Variants in ATRNL1 observed in about 807,000 individuals in gnomAD.
ATRNL1 encodes attractin like 1, also known as attractin-like protein 1.
In ATRNL1, 95 loss-of-function variants were observed where a neutral mutation model predicts 182.7. That is an observed-to-expected ratio of 0.52 (90% CI 0.44 to 0.62). The LOEUF (loss-of-function observed/expected upper bound fraction) is 0.62. Ranked by LOEUF, ATRNL1 falls within the 20% of genes least tolerant of loss-of-function variation. ATRNL1 has a pLI of 0.00. For synonymous variants in ATRNL1, 576 were observed against 568.3 expected (o/e 1.01, Z -0.19); for missense variants, 1,471 against 1,679.5 (o/e 0.88, Z 2.17).
At chr10:115,587,823 G>T (rs1185625516) in intron 26 of ATRNL1, among the ~76,000 whole-genome samples, 2 of 150,350 alleles carry the variant, frequency 1.3e-5, no homozygotes, top group Non-Finnish European at 3.0e-5. Context: ...TAAAGTAGAT[G>T]TAAAAATATC....
intron 20 of ATRNL1, among the ~76,000 whole-genome samples, chr10:115,422,984 A>G (rs1046336088): frequency 6.6e-6 from 1 of 152,194 alleles, no homozygotes; most frequent in Non-Finnish European, 1.5e-5. Context: ...CAATTTACCT[A>G]TGTAACAAAC....
chr10:115,636,341 T>G (rs1360634208), intron 26 of ATRNL1, among the ~76,000 whole-genome samples: 1 of 152,178 alleles, frequency 6.6e-6, no homozygotes, highest in South Asian at 2.1e-4. Flanking sequence ...AGAGACATCC[T>G]GCAGCCAGCC....
chr10:115,121,618 A>C, intron 2 of ATRNL1, 81 bp from the exon 3 acceptor site: 1 of 479,764 alleles, frequency 2.1e-6, no homozygotes, highest in Non-Finnish European at 3.5e-6. Context: ...TGCTTTGTAT[A>C]TTATATAATA....
intron 18 of ATRNL1, among the ~76,000 whole-genome samples, chr10:115,319,938 T>C (rs1854500499): frequency 6.6e-6 from 1 of 152,106 alleles, no homozygotes; most frequent in Non-Finnish European, 1.5e-5. Context: ...GTCATCATGA[T>C]GCTATCTGGT....
At chr10:115,793,782 G>T (rs1949585621) in intron 27 of ATRNL1, among the ~76,000 whole-genome samples, 1 of 152,112 alleles carries the variant, frequency 6.6e-6, no homozygotes, top group African/African-American at 2.4e-5. Flanking sequence ...TGCAAATGAG[G>T]AATGACTGAT....
At position 115,630,693 on chromosome 10, in the gene ATRNL1, G is replaced by T. The variant is rs143162505; in HGVS notation, c.3795+81157G>T. On this transcript the variant is annotated intron_variant, in intron 26 of 28. Coordinates refer to ENST00000355044, the MANE Select transcript of ATRNL1 (RefSeq NM_207303.4). The stretch of plus-strand genomic sequence containing the variant: ...ATTTACAAATTTAGTATTTATATAT[G>T]TATATTATATCCATATTGAATAGAT... Among the ~76,000 whole-genome samples the T allele has an allele frequency of 6.3e-3, 922 of 146,768 alleles. 38 individuals carry two copies. The highest frequency in any genetic ancestry group is 0.058 in the Admixed American group (848 of 14,572).
intron 20 of ATRNL1, among the ~76,000 whole-genome samples, chr10:115,420,233 G>A (rs576773817): frequency 2.0e-5 from 3 of 151,882 alleles, no homozygotes; most frequent in South Asian, 2.1e-4. Flanking sequence ...TAGTAGAGAC[G>A]GGGTTTCACC....
At chr10:115,797,946 C>G (rs111451990) in intron 27 of ATRNL1, among the ~76,000 whole-genome samples, 6,901 of 152,062 alleles carry the variant, frequency 0.045, 454 homozygotes, top group African/African-American at 0.14. Context: ...GAGACGGAGT[C>G]TCGCTCTGTT....
intron 21 of ATRNL1, among the ~76,000 whole-genome samples, chr10:115,455,300 G>A (rs559527308): frequency 6.6e-6 from 1 of 152,164 alleles, no homozygotes; most frequent in South Asian, 2.1e-4. Flanking sequence ...GTAGACCAAT[G>A]GAACAGAACA....
At chr10:115,156,099 A>G (rs1444394625) in intron 5 of ATRNL1, among the ~76,000 whole-genome samples, 1 of 152,118 alleles carries the variant, frequency 6.6e-6, no homozygotes, top group Non-Finnish European at 1.5e-5. Context: ...AATTATCTCA[A>G]GTGAGGAGTC....
intron 27 of ATRNL1, among the ~76,000 whole-genome samples, chr10:115,729,270 A>G (rs1383349792): frequency 6.6e-6 from 1 of 152,084 alleles, no homozygotes. Context: ...TTAACCTTAA[A>G]TTGTATTTTG....
intron 27 of ATRNL1, among the ~76,000 whole-genome samples, chr10:115,836,532 C>T (rs782514841): frequency 1.3e-5 from 2 of 152,170 alleles, no homozygotes; most frequent in Non-Finnish European, 2.9e-5. Flanking sequence ...CACCTCCCCT[C>T]GCTTCTGGCG....
intron 9 of ATRNL1, among the ~76,000 whole-genome samples, chr10:115,217,000 G>A (rs1284030373): frequency 1.3e-5 from 2 of 151,878 alleles, no homozygotes; most frequent in African/African-American, 4.8e-5. Flanking sequence ...ATTTTTCTCT[G>A]ACATTTTGCT....
chr10:115,429,964 C>G (rs1301975838), intron 21 of ATRNL1, among the ~76,000 whole-genome samples: 1 of 151,968 alleles, frequency 6.6e-6, no homozygotes, highest in African/African-American at 2.4e-5. Context: ...CCAGCTACTC[C>G]GGAGACTGAG....
chr10:115,530,454 A>T (rs1486864737), intron 25 of ATRNL1, among the ~76,000 whole-genome samples: 2 of 152,138 alleles, frequency 1.3e-5, no homozygotes, highest in Non-Finnish European at 2.9e-5. Context: ...TATTTAGAGG[A>T]ATTAAAAATG....
intron 28 of ATRNL1, among the ~76,000 whole-genome samples, chr10:115,865,107 A>G (rs1405727057): frequency 6.6e-6 from 1 of 152,208 alleles, no homozygotes; most frequent in African/African-American, 2.4e-5. Context: ...GAAATAATAC[A>G]TTGGAGTCTA....
intron 27 of ATRNL1, among the ~76,000 whole-genome samples, chr10:115,764,399 T>C (rs1948805977): frequency 1.3e-5 from 2 of 152,118 alleles, no homozygotes; most frequent in African/African-American, 4.8e-5. Flanking sequence ...ATGACATGTA[T>C]TTATCATTAT....
At chr10:115,652,091 A>C (rs1215570973) in intron 26 of ATRNL1, among the ~76,000 whole-genome samples, 1 of 152,146 alleles carries the variant, frequency 6.6e-6, no homozygotes, top group Non-Finnish European at 1.5e-5. Context: ...GCTGCAAAGT[A>C]GACTCCTAAA....
chr10:115,277,557 GAGGT>G lies in ATRNL1; in HGVS notation c.2101-3796_2101-3793del, dbSNP rs757525546. 8.4e-4 allele frequency among the ~76,000 whole-genome samples: 128 copies of G among 152,154 alleles called. 2 individuals carry two copies. Among genetic ancestry groups the G allele is most frequent in the Non-Finnish European group, 9.9e-4 (67 of 67,928 alleles). ...TTAGCTCCATTACATGAGAAGGCCT[GAGGT>G]ATTTATACCTATAGTCAAAACAAAA... On this transcript the variant is annotated intron_variant, in intron 13 of 28. Coordinates refer to ENST00000355044, the MANE Select transcript of ATRNL1 (RefSeq NM_207303.4).
Sources: gnomAD v4.1 joint callset for allele counts (sites outside exome capture counted in the v4.1 genomes callset) on GRCh38, gnomAD v4.1.1 for gene constraint, MANE v1.5 for transcripts, NCBI Gene and HGNC (gene_info 2026-07-23, HGNC 2026-07-21) for gene names.